Variants in ELMO3 observed in about 807,000 individuals in gnomAD.
ELMO3 encodes engulfment and cell motility 3.
Under a neutral mutation model 89.0 loss-of-function variants are expected in ELMO3, and 81 were observed. The ratio of observed to expected loss-of-function variants is 0.91; its 90% confidence interval spans 0.76 to 1.09. The LOEUF (loss-of-function observed/expected upper bound fraction) is 1.09. Among genes scored for constraint, ELMO3 ranks in the 50% least tolerant of loss-of-function variants. ELMO3 has a pLI of 0.00. For synonymous variants in ELMO3, 406 were observed against 400.6 expected (o/e 1.01, Z -0.16); for missense variants, 959 against 972.8 (o/e 0.99, Z 0.19).
intron 3 of ELMO3, 88 bp downstream of exon 3, chr16:67,199,844 C>A: frequency 6.2e-7 from 1 of 1,603,610 alleles, no homozygotes; most frequent in Non-Finnish European, 8.5e-7. Context: ...CATCCCACTA[C>A]CGGAGCGCGA....
intron 3 of ELMO3, 35 bp from the exon 4 acceptor site, chr16:67,199,916 C>T: frequency 6.2e-7 from 1 of 1,613,906 alleles, no homozygotes; most frequent in Non-Finnish European, 8.5e-7. Flanking sequence ...CGGAGCCCTC[C>T]CTGACCTCGC....
In ELMO3 at chr16:67,203,876, G is replaced by A; in HGVS notation, c.2162G>A (p.Ter721=). The A allele has an allele frequency of 6.4e-7, 1 of 1,563,956 alleles. No homozygotes were observed. Among genetic ancestry groups the A allele is most frequent in the Non-Finnish European group, 8.7e-7 (1 of 1,153,598 alleles). The part of the protein sequence containing the change: ...FCYDCSIAEP[*] The stretch of plus-strand genomic sequence containing the variant: ...TATGACTGCAGCATCGCTGAACCTT[G>A]ACAGTGTGGCTGGCCATGGGCCACA... Residue 721 remains the stop codon, a stop_retained_variant, in exon 20 of 20, where the codon TGA becomes TAA. Transcript: ENST00000393997. The surrounding 1 kb of genome is among the most constrained non-coding windows in gnomAD (Gnocchi z 4.6).
rs760020868 is a variant in ELMO3 at position 67,202,543 on chromosome 16, G to A, written c.1398+10G>A. The A allele has an allele frequency of 1.9e-6, 3 of 1,612,594 alleles. No homozygotes were observed. The highest frequency in any genetic ancestry group is 2.5e-6 in the Non-Finnish European group (3 of 1,179,914). ...GGAGGACTTCGACAAGGTGGGTGGG[G>A]TGGGAGCTGGGAGGCCTGGGCCAGG... On this transcript the variant is annotated intron_variant, in intron 14 of 19. Coordinates refer to ENST00000393997, the MANE Select transcript of ELMO3 (RefSeq NM_024712.5).
intron 4 of ELMO3, 84 bp from the exon 5 acceptor site, chr16:67,200,108 T>C (rs1453106037): frequency 6.4e-7 from 1 of 1,567,664 alleles, no homozygotes; most frequent in African/African-American, 1.4e-5. Flanking sequence ...CGCCACCTAG[T>C]TGACGCCCGG....
chr16:67,202,026 C>T lies in ELMO3; in HGVS notation c.1100C>T (p.Ala367Val). The T allele has an allele frequency of 1.2e-6, 2 of 1,613,458 alleles. No individual in the cohort carries two copies. The highest frequency in any genetic ancestry group is 1.3e-5 in the African/African-American group (1 of 75,046). ...DLERVPPGLL[A>V]LDNMLYFSRN... ...GAGCGCGTGCCCCCCGGTCTGCTGGCCCTGGACAACATGTTGTACTTCTCC... is the reference window on the plus strand; with the variant it reads ...GAGCGCGTGCCCCCCGGTCTGCTGGTCCTGGACAACATGTTGTACTTCTCC... The change falls in exon 12 of 20, where the codon GCC becomes GTC. Residue 367 changes from alanine (A) to valine (V), a missense_variant. Physicochemically the swap from Ala to Val is moderately conservative, Grantham distance 64. Transcript: ENST00000393997.
chr16:67,201,046 C>A, intron 8 of ELMO3, 78 bp downstream of exon 8: 3 of 1,459,774 alleles, frequency 2.1e-6, no homozygotes, highest in East Asian at 2.4e-5. Context: ...CCTCTAAGCC[C>A]CCCTTTTTTT....
In ELMO3 at chr16:67,203,329, C is replaced by A; in HGVS notation, c.1783C>A (p.Pro595Thr). Residue 595 changes from proline to threonine, a missense_variant and splice_region_variant, in exon 18 of 20, where the codon CCT (proline) becomes ACT (threonine). Coordinates refer to ENST00000393997, the MANE Select transcript of ELMO3 (RefSeq NM_024712.5). The surrounding 1 kb of genome is among the most constrained non-coding windows in gnomAD (Gnocchi z 4.6). ...PTLESLPEQL[P>T]VADMRALLTG... ...TCAGCCCAGCCTTCTTCCTGCAGTC[C>A]CTGTGGCCGACATGAGGGCACTCCT... The A allele has an allele frequency of 6.3e-7, 1 of 1,598,188 alleles. No homozygotes were observed. Among genetic ancestry groups the A allele is most frequent in the Non-Finnish European group, 8.5e-7 (1 of 1,174,828 alleles).
In ELMO3 at chr16:67,200,061, C is replaced by G; in HGVS notation, c.243+60C>G. 7 of 1,588,162 alleles carry G rather than the reference C, an allele frequency of 4.4e-6. No individual in the cohort carries two copies. In the South Asian group the frequency reaches 5.7e-5, roughly 13 times the overall value. Reference sequence around the variant, plus strand: ...GCCCCTTTGCTCCAGGTCCAGAGGCCCCCCGCCCCGGAGGCCCCCGCCCCA... The same window carrying G: ...GCCCCTTTGCTCCAGGTCCAGAGGCGCCCCGCCCCGGAGGCCCCCGCCCCA... On this transcript the variant is annotated intron_variant, in intron 4 of 19. Coordinates refer to ENST00000393997, the MANE Select transcript of ELMO3 (RefSeq NM_024712.5).
Position 67,202,793 on chromosome 16 carries a change from G to A in ELMO3, c.1562+3G>A, listed in dbSNP as rs773206704. ...GGCACACTGGCTCCCCCTATACTGTGAGTCTGGGGGGATGGATCCTCAGTC... is the reference window on the plus strand; with the variant it reads ...GGCACACTGGCTCCCCCTATACTGTAAGTCTGGGGGGATGGATCCTCAGTC... On this transcript the variant is annotated splice_donor_region_variant and intron_variant, in intron 15 of 19. Coordinates refer to ENST00000393997, the MANE Select transcript of ELMO3 (RefSeq NM_024712.5). 10 of 1,612,902 alleles carry A rather than the reference G, an allele frequency of 6.2e-6. No individual in the cohort carries two copies. Among genetic ancestry groups the A allele is most frequent in the Non-Finnish European group, 8.5e-6 (10 of 1,179,632 alleles).
At position 67,203,242 on chromosome 16, in the gene ELMO3, G is replaced by A; in HGVS notation, c.1780+19G>A. 2 of 1,598,164 alleles carry A rather than the reference G, an allele frequency of 1.3e-6. No individual in the cohort carries two copies. Among genetic ancestry groups the A allele is most frequent in the Non-Finnish European group, 1.7e-6 (2 of 1,176,048 alleles). On this transcript the variant is annotated intron_variant, in intron 17 of 19. Coordinates refer to ENST00000393997, the MANE Select transcript of ELMO3 (RefSeq NM_024712.5). The surrounding 1 kb of genome is among the most constrained non-coding windows in gnomAD (Gnocchi z 4.6). ...GAGCAACGTAAGGCGGGCAGGGGCGGGGGCCAGATACCTGCTCTCCCCAGA... is the reference window on the plus strand; with the variant it reads ...GAGCAACGTAAGGCGGGCAGGGGCGAGGGCCAGATACCTGCTCTCCCCAGA...
intron 13 of ELMO3, 41 bp from the exon 14 acceptor site, chr16:67,202,356 A>C (rs766824511): frequency 1.9e-6 from 3 of 1,613,532 alleles, no homozygotes; most frequent in Non-Finnish European, 1.7e-6. Context: ...CAGGGGCTGT[A>C]TGCACTTTCT....
In ELMO3 at chr16:67,200,483, C is replaced by T. The variant is rs373706784; in HGVS notation, c.446C>T (p.Ala149Val). 9.9e-6 allele frequency: 16 copies of T among 1,613,404 alleles called. No homozygotes were observed. Among genetic ancestry groups the T allele is most frequent in the African/African-American group, 9.3e-5 (7 of 74,868 alleles). ...GAGGTGCTGGCCCTCAGCCTGAGGG[C>T]CTTCTCAGAGCTCATGGAGCACGGC... ...LGEVLALSLR[A>V]FSELMEHGVV... is the part of the protein sequence containing the mutation. The change falls in exon 6 of 20, where the codon GCC becomes GTC. Residue 149 changes from alanine to valine, a missense_variant. Ala to Val is a moderately conservative substitution (Grantham distance 64). Coordinates refer to ENST00000393997, the MANE Select transcript of ELMO3 (RefSeq NM_024712.5).
rs766647604 is a variant in ELMO3 at position 67,199,345 on chromosome 16, G to C, written c.19G>C (p.Val7Leu). The change falls in exon 1 of 20, where the codon GTG (valine) becomes CTG (leucine). Residue 7 changes from valine (V) to leucine (L), a missense_variant. Val to Leu is a conservative substitution (Grantham distance 32). Transcript: ENST00000393997. ...CTGGACCATGGCGCCTCCGCGGAACGTGGTGAAGATTGCCATCAAGATGCG... is the reference window on the plus strand; with the variant it reads ...CTGGACCATGGCGCCTCCGCGGAACCTGGTGAAGATTGCCATCAAGATGCG... MAPPRNVVKIAIKMRDA... is the reference protein window; with the variant it reads MAPPRNLVKIAIKMRDA... The C allele has an allele frequency of 2.5e-6, 4 of 1,610,852 alleles. No individual in the cohort carries two copies. The highest frequency in any genetic ancestry group is 2.5e-6 in the Non-Finnish European group (3 of 1,179,214).
At position 67,203,884 on chromosome 16, in the gene ELMO3, G is replaced by A; in HGVS notation, c.*7G>A. 2 of 1,551,802 alleles carry A rather than the reference G, an allele frequency of 1.3e-6. No individual in the cohort carries two copies. The highest frequency in any genetic ancestry group is 1.7e-6 in the Non-Finnish European group (2 of 1,147,542). ...CAGCATCGCTGAACCTTGACAGTGT[G>A]GCTGGCCATGGGCCACAGCTGCGGC... On this transcript the variant is annotated 3_prime_UTR_variant, in exon 20 of 20. Coordinates refer to ENST00000393997, the MANE Select transcript of ELMO3 (RefSeq NM_024712.5). The surrounding 1 kb of genome is among the most constrained non-coding windows in gnomAD (Gnocchi z 4.6).
intron 4 of ELMO3, 29 bp from the exon 5 acceptor site, chr16:67,200,163 C>T (rs772691254): frequency 2.5e-6 from 4 of 1,602,076 alleles, no homozygotes; most frequent in Non-Finnish European, 8.5e-7. Flanking sequence ...CCAGCCTCTT[C>T]ACCTCTGCTC....
chr16:67,200,116 C>T (rs575799078), intron 4 of ELMO3, 76 bp from the exon 5 acceptor site: 17 of 1,577,706 alleles, frequency 1.1e-5, no homozygotes, highest in African/African-American at 2.7e-5. Context: ...AGTTGACGCC[C>T]GGGGCCGCAC....
chr16:67,201,727 C>T lies in ELMO3; in HGVS notation c.919-15C>T. ...AATCTTGATCCCCTCCCCCGCCACCCAACACTGACCCCAGGAGCAGCGGGA... is the reference window on the plus strand; with the variant it reads ...AATCTTGATCCCCTCCCCCGCCACCTAACACTGACCCCAGGAGCAGCGGGA... On this transcript the variant is annotated splice_polypyrimidine_tract_variant and intron_variant, in intron 10 of 19. Coordinates refer to ENST00000393997, the MANE Select transcript of ELMO3 (RefSeq NM_024712.5). The T allele has an allele frequency of 6.2e-7, 1 of 1,608,820 alleles. No individual in the cohort carries two copies. The highest frequency in any genetic ancestry group is 8.5e-7 in the Non-Finnish European group (1 of 1,180,006).
intron 15 of ELMO3, 35 bp downstream of exon 15, chr16:67,202,825 C>G: frequency 1.2e-6 from 2 of 1,611,918 alleles, no homozygotes; most frequent in South Asian, 2.2e-5. Context: ...AGTCCTAGCC[C>G]TACCTTCCTT....
rs188685815 is a variant in ELMO3, at chr16:67,202,712, C to T, written c.1484C>T (p.Ala495Val). ...GAGCTCTTCCGAACCAAGGTGAATG[C>T]GCTCACTTATGGGGAGGTGCTGCGG... The part of the protein sequence containing the change: ...SLELFRTKVN[A>V]LTYGEVLRLR... Residue 495 changes from alanine to valine, a missense_variant, in exon 15 of 20, where the codon GCG becomes GTG. By Grantham distance (64) the Ala-to-Val change is moderately conservative. Transcript: ENST00000393997. 57 of 1,613,702 alleles carry T rather than the reference C, an allele frequency of 3.5e-5. No individual in the cohort carries two copies. In the Admixed American group the frequency reaches 6.2e-4, roughly 17 times the overall value.
Sources: gnomAD v4.1 joint callset for allele counts on GRCh38, gnomAD v4.1.1 for gene constraint, Gnocchi (gnomAD v3.1) non-coding constraint, MANE v1.5 for transcripts, NCBI Gene and HGNC (gene_info 2026-07-23, HGNC 2026-07-21) for gene names.